PRKCE: variants seen among roughly 807,000 people sequenced by gnomAD.
The protein encoded by PRKCE is protein kinase C epsilon type.
PRKCE carries 16 observed loss-of-function variants against 85.4 expected under a neutral mutation model. That is an observed-to-expected ratio of 0.19 (90% CI 0.13 to 0.28). The LOEUF is 0.28. Ranked by LOEUF, PRKCE falls within the 10% of genes least tolerant of loss-of-function variation. PRKCE has a pLI of 1.00. For missense variants in PRKCE, 573 were observed against 975.2 expected (o/e 0.59, Z 5.49); for synonymous variants, 388 against 371.5 (o/e 1.04, Z -0.51).
At chr2:45,955,335 A>G (rs986185242) in intron 2 of PRKCE, among the ~76,000 whole-genome samples, 5 of 152,146 alleles carry the variant, frequency 3.3e-5, no homozygotes, top group African/African-American at 1.2e-4. Context: ...TTGGCCTCTG[A>G]GAGGGTTTGC....
At chr2:45,868,049 C>G (rs1049157088) in intron 2 of PRKCE, among the ~76,000 whole-genome samples, 83 of 152,166 alleles carry the variant, frequency 5.5e-4, no homozygotes, top group African/African-American at 1.9e-3. Context: ...ATGGTCACAG[C>G]TTTTGAACTG....
At chr2:45,845,313 G>A (rs1691691880) in intron 2 of PRKCE, 1 of 151,804 alleles carries the variant, frequency 6.6e-6, no homozygotes, top group Non-Finnish European at 1.5e-5. Flanking sequence ...CACGTGAGAT[G>A]GGTCTGGGGT....
At chr2:46,070,062 C>G (rs1667945920) in intron 10 of PRKCE, among the ~76,000 whole-genome samples, 1 of 152,228 alleles carries the variant, frequency 6.6e-6, no homozygotes, top group African/African-American at 2.4e-5. Flanking sequence ...TTCTCTCTTA[C>G]TGATTTACAG....
intron 10 of PRKCE, among the ~76,000 whole-genome samples, chr2:46,031,802 C>T (rs11903923): frequency 0.16 from 24,913 of 152,114 alleles, 2,153 homozygotes; most frequent in African/African-American, 0.21. Flanking sequence ...CATGCTCCTC[C>T]TCTCAGCCCA....
Position 45,700,104 on chromosome 2 carries a change from G to A in PRKCE, c.348+47656G>A, listed in dbSNP as rs537505261. On this transcript the variant is annotated intron_variant, in intron 1 of 14. Transcript: ENST00000306156. ...GGCAGTTAACTAACCAGGCCGCCTGGGGTTGAGGATGAAATGGGTACCTGA... is the reference window on the plus strand; with the variant it reads ...GGCAGTTAACTAACCAGGCCGCCTGAGGTTGAGGATGAAATGGGTACCTGA... Among the ~76,000 whole-genome samples, 3 of 152,056 alleles carry A rather than the reference G, an allele frequency of 2.0e-5. No homozygotes were observed. The South Asian group carries it at 6.2e-4, about 32-fold the overall frequency.
chr2:45,936,152 G>A (rs1699434768), intron 2 of PRKCE, among the ~76,000 whole-genome samples: 1 of 152,170 alleles, frequency 6.6e-6, no homozygotes, highest in South Asian at 2.1e-4. Context: ...CGCCAAGGAT[G>A]CTATGGCGAC....
rs548169880 is a variant in PRKCE at position 46,165,606 on chromosome 2, G to A, written c.2067+5854G>A. On this transcript the variant is annotated intron_variant, in intron 14 of 14. Coordinates refer to ENST00000306156, the MANE Select transcript of PRKCE (RefSeq NM_005400.3). ...ATTGCCAATAACAGTAGCACATTTC[G>A]CTTTTGTGTTACTGATGGGCTTGCC... Among the ~76,000 whole-genome samples the A allele has an allele frequency of 1.2e-4, 19 of 152,320 alleles. 1 individual carries two copies. In the Middle Eastern group the frequency reaches 0.02, roughly 164 times the overall value.
intron 1 of PRKCE, among the ~76,000 whole-genome samples, chr2:45,799,501 G>A (rs1243991573): frequency 1.3e-5 from 2 of 152,100 alleles, no homozygotes; most frequent in East Asian, 1.9e-4. Context: ...TGTTGTGCAC[G>A]ATGATCATGA....
chr2:45,796,257 A>G (rs1043575811), intron 1 of PRKCE, among the ~76,000 whole-genome samples: 1 of 152,188 alleles, frequency 6.6e-6, no homozygotes, highest in African/African-American at 2.4e-5. Context: ...TAGACTCTAG[A>G]GCCAGGCTGC....
At chr2:45,794,295 A>G (rs1282878856) in intron 1 of PRKCE, among the ~76,000 whole-genome samples, 2 of 152,182 alleles carry the variant, frequency 1.3e-5, no homozygotes, top group African/African-American at 2.4e-5. Flanking sequence ...ATGAGCTCTT[A>G]TGTCAGAGTA....
chr2:45,719,654 T>C (rs937761635), intron 1 of PRKCE, among the ~76,000 whole-genome samples: 1 of 152,222 alleles, frequency 6.6e-6, no homozygotes, highest in Non-Finnish European at 1.5e-5. Flanking sequence ...ACATGCTATG[T>C]AGCCGTAAAA....
intron 2 of PRKCE, among the ~76,000 whole-genome samples, chr2:45,957,455 G>A (rs996356286): frequency 2.6e-5 from 4 of 151,282 alleles, no homozygotes; most frequent in African/African-American, 9.8e-5. Context: ...ACTCTATTCT[G>A]TTGATCTATT....
chr2:45,699,420 A>G (rs888532656), intron 1 of PRKCE, among the ~76,000 whole-genome samples: 7 of 152,204 alleles, frequency 4.6e-5, no homozygotes, highest in Admixed American at 6.5e-5. Context: ...ATCAGAGCTC[A>G]GTAAAGGTTG....
chr2:46,086,293 G>A lies in PRKCE; in HGVS notation c.1523G>A (p.Arg508His), dbSNP rs1669632643. Reference sequence around the variant, plus strand: ...CGCTCCCGAAAATTCGACGAGCCTCGTTCACGGTTCTATGCTGCAGAGGTC... The same window carrying A: ...CGCTCCCGAAAATTCGACGAGCCTCATTCACGGTTCTATGCTGCAGAGGTC... ...IQRSRKFDEP[R>H]SRFYAAEVTS... is the part of the protein sequence containing the mutation. Residue 508 changes from arginine to histidine, a missense_variant, in exon 11 of 15, where the codon CGT (arginine) becomes CAT (histidine). Physicochemically the swap from Arg to His is conservative, Grantham distance 29. Around this residue, in one of 11 missense-constraint regions of PRKCE, gnomAD observed 89 missense variants for 154.1 expected, o/e 0.58. Transcript: ENST00000306156. 3.1e-6 allele frequency: 5 copies of A among 1,599,680 alleles called. No homozygotes were observed. Among genetic ancestry groups the A allele is most frequent in the Non-Finnish European group, 4.2e-6 (5 of 1,179,952 alleles).
At chr2:45,968,018 G>T (rs1701846650) in intron 2 of PRKCE, among the ~76,000 whole-genome samples, 1 of 152,128 alleles carries the variant, frequency 6.6e-6, no homozygotes, top group African/African-American at 2.4e-5. Context: ...AAAGGGTAGG[G>T]GACTGTCCTG....
At chr2:45,877,516 C>T (rs1694568965) in intron 2 of PRKCE, among the ~76,000 whole-genome samples, 1 of 151,894 alleles carries the variant, frequency 6.6e-6, no homozygotes. Context: ...CTTTCTGTAC[C>T]TAGTGTGATA....
At chr2:45,829,019 T>A (rs1472673591) in intron 1 of PRKCE, among the ~76,000 whole-genome samples, 1 of 13,540 alleles carries the variant, frequency 7.4e-5, no homozygotes, top group Non-Finnish European at 1.2e-4. Flanking sequence ...TACATATAAT[T>A]CAACAAGTTT....
intron 2 of PRKCE, among the ~76,000 whole-genome samples, chr2:45,878,783 T>G (rs950535289): frequency 6.6e-6 from 1 of 152,324 alleles, no homozygotes; most frequent in African/African-American, 2.4e-5. Context: ...CAATGAAATA[T>G]GTTTAGCTTT....
intron 11 of PRKCE, among the ~76,000 whole-genome samples, chr2:46,092,114 T>C (rs1269260806): frequency 6.6e-6 from 1 of 152,220 alleles, no homozygotes; most frequent in Non-Finnish European, 1.5e-5. Flanking sequence ...TCTCCACTTG[T>C]GAAGTTTAGA....
Sources: allele counts gnomAD v4.1 joint callset (sites outside exome capture counted in the v4.1 genomes callset), GRCh38; gene constraint gnomAD v4.1.1; regional missense constraint gnomAD v4.1.1; transcripts MANE v1.5; gene names NCBI Gene and HGNC (gene_info 2026-07-23, HGNC 2026-07-21).